The following SLC24A2 variants were observed in gnomAD, a reference collection of about 807,000 sequenced individuals.
The protein encoded by SLC24A2 is sodium/potassium/calcium exchanger 2.
A neutral mutation model predicts 62.0 loss-of-function variants in SLC24A2; 36 were observed. The observed-to-expected ratio is 0.58, with a 90% CI of 0.44 to 0.77. SLC24A2 has a LOEUF of 0.77. SLC24A2 is among the 30% of genes least tolerant of loss of function. The pLI is 0.00. For synonymous variants in SLC24A2, 358 were observed against 294.0 expected (o/e 1.22, Z -2.23); for missense variants, 846 against 817.9 (o/e 1.03, Z -0.42).
the SLC24A2 span, among the ~76,000 whole-genome samples, chr9:20,190,307 A>G: frequency 1.3e-5 from 2 of 152,190 alleles, no homozygotes; most frequent in Non-Finnish European, 2.9e-5. Flanking sequence ...GCTTGTCAAG[A>G]CAATCCTTTT....
At chr9:19,868,178 A>G in the SLC24A2 span, among the ~76,000 whole-genome samples, 2 of 152,118 alleles carry the variant, frequency 1.3e-5, no homozygotes, top group African/African-American at 2.4e-5. Flanking sequence ...AGTAAGCATT[A>G]TGCAACCCAT....
At chr9:19,753,710 T>C (rs1332461059) in intron 2 of SLC24A2, among the ~76,000 whole-genome samples, 2 of 152,200 alleles carry the variant, frequency 1.3e-5, no homozygotes, top group East Asian at 3.8e-4. Flanking sequence ...TAGAATAAGT[T>C]ATATTCCTTT....
chr9:19,543,080 C>G (rs36157977), intron 8 of SLC24A2, among the ~76,000 whole-genome samples: 198 of 152,062 alleles, frequency 1.3e-3, no homozygotes, highest in African/African-American at 4.2e-3. Context: ...CTTTGGTAGG[C>G]TATTAATTAC....
At chr9:19,993,265 T>C in the SLC24A2 span, among the ~76,000 whole-genome samples, 1 of 152,206 alleles carries the variant, frequency 6.6e-6, no homozygotes, top group Non-Finnish European at 1.5e-5. Context: ...GTTCACATAC[T>C]GCATATCCAC....
chr9:19,732,511 C>T lies in SLC24A2; in HGVS notation c.930+53426G>A, dbSNP rs549915200. Reference sequence around the variant, plus strand: ...ATTGACAAATAATTGTGTATATTTACGGGGCACAGTGTGATGTTGTGATCT... The same window carrying T: ...ATTGACAAATAATTGTGTATATTTATGGGGCACAGTGTGATGTTGTGATCT... On this transcript the variant is annotated intron_variant, in intron 2 of 10. Coordinates refer to ENST00000341998, the MANE Select transcript of SLC24A2 (RefSeq NM_020344.4). 1.9e-3 allele frequency among the ~76,000 whole-genome samples: 296 copies of T among 152,004 alleles called. 1 individual carries two copies. The highest frequency in any genetic ancestry group is 3.5e-3 in the Non-Finnish European group (236 of 68,016).
At chr9:20,053,712 T>C in the SLC24A2 span, among the ~76,000 whole-genome samples, 6 of 152,152 alleles carry the variant, frequency 3.9e-5, no homozygotes, top group Non-Finnish European at 5.9e-5. Flanking sequence ...AAGATGGCTG[T>C]TTATGAACCA....
the SLC24A2 span, among the ~76,000 whole-genome samples, chr9:20,011,370 G>A: frequency 1.3e-5 from 2 of 152,096 alleles, no homozygotes; most frequent in Non-Finnish European, 2.9e-5. Context: ...GTGATGATGA[G>A]CATTTTTTCA....
At chr9:19,944,160 T>C in the SLC24A2 span, among the ~76,000 whole-genome samples, 20 of 152,200 alleles carry the variant, frequency 1.3e-4, no homozygotes, top group Admixed American at 5.9e-4. Context: ...TTGGGTACAA[T>C]GCTCAGCACC....
intron 2 of SLC24A2, among the ~76,000 whole-genome samples, chr9:19,759,291 C>A (rs1199752948): frequency 6.6e-6 from 1 of 152,146 alleles, no homozygotes; most frequent in Non-Finnish European, 1.5e-5. Context: ...GTATTGGTGT[C>A]CAGCCCATCA....
chr9:19,951,234 G>T, the SLC24A2 span, among the ~76,000 whole-genome samples: 11 of 137,120 alleles, frequency 8.0e-5, no homozygotes, highest in Non-Finnish European at 1.3e-4. Flanking sequence ...AGTTGTGTGT[G>T]TGTGTGTGTG....
At chr9:20,083,502 C>T in the SLC24A2 span, among the ~76,000 whole-genome samples, 1 of 152,188 alleles carries the variant, frequency 6.6e-6, no homozygotes, top group Non-Finnish European at 1.5e-5. Flanking sequence ...TGAAGGATTT[C>T]GATCCCAACA....
the SLC24A2 span, among the ~76,000 whole-genome samples, chr9:20,227,451 G>A: frequency 6.6e-6 from 1 of 150,750 alleles, no homozygotes; most frequent in Non-Finnish European, 1.5e-5. Context: ...TGAGGTGAAG[G>A]TCTCATGGAG....
intron 2 of SLC24A2, among the ~76,000 whole-genome samples, chr9:19,700,657 T>G (rs2118524168): frequency 6.6e-6 from 1 of 152,274 alleles, no homozygotes; most frequent in African/African-American, 2.4e-5. Flanking sequence ...GGTAAGAACG[T>G]CCTTGCTTTG....
the SLC24A2 span, among the ~76,000 whole-genome samples, chr9:20,089,360 G>C: frequency 1.3e-5 from 2 of 152,110 alleles, no homozygotes; most frequent in African/African-American, 2.4e-5. Flanking sequence ...GATCACCACA[G>C]AGGCAGACCA....
intron 2 of SLC24A2, among the ~76,000 whole-genome samples, chr9:19,684,706 G>A (rs113998178): frequency 0.011 from 1,248 of 116,724 alleles, 16 homozygotes; most frequent in African/African-American, 0.029. Context: ...CCTGGAAAAC[G>A]CAACCCAGAT....
chr9:19,626,661 T>C (rs147927534), intron 2 of SLC24A2, among the ~76,000 whole-genome samples: 66 of 152,308 alleles, frequency 4.3e-4, no homozygotes, highest in African/African-American at 1.4e-3. Context: ...AGAATATTAA[T>C]CCAATATTCC....
At chr9:20,028,188 G>A in the SLC24A2 span, among the ~76,000 whole-genome samples, 1 of 152,096 alleles carries the variant, frequency 6.6e-6, no homozygotes, top group East Asian at 1.9e-4. Context: ...CCCTTCCAAG[G>A]TAACATCATA....
At chr9:19,594,436 T>C (rs1238579759) in intron 5 of SLC24A2, among the ~76,000 whole-genome samples, 2 of 152,176 alleles carry the variant, frequency 1.3e-5, no homozygotes, top group Non-Finnish European at 2.9e-5. Flanking sequence ...GTATATATAA[T>C]GCATCTTTCC....
intron 2 of SLC24A2, among the ~76,000 whole-genome samples, chr9:19,740,838 T>G (rs181892589): frequency 1.3e-5 from 2 of 150,296 alleles, no homozygotes; most frequent in Non-Finnish European, 2.9e-5. Context: ...TTCCATTTTG[T>G]GTATATTTGA....
Sources: gnomAD v4.1 joint callset for allele counts (sites outside exome capture counted in the v4.1 genomes callset) on GRCh38, gnomAD v4.1.1 for gene constraint, MANE v1.5 for transcripts, NCBI Gene and HGNC (gene_info 2026-07-23, HGNC 2026-07-21) for gene names.